DCC: variants seen among roughly 807,000 people sequenced by gnomAD.
The protein encoded by DCC is netrin receptor DCC.
DCC carries 58 observed loss-of-function variants against 172.5 expected under a neutral mutation model. The ratio of observed to expected loss-of-function variants is 0.34; its 90% CI spans 0.27 to 0.42. The LOEUF (loss-of-function observed/expected upper bound fraction) is 0.42. DCC is among the 10% of genes least tolerant of loss of function. DCC has a pLI of 1.00. For synonymous variants in DCC, 709 were observed against 644.5 expected, an observed-to-expected ratio of 1.10 and a Z score of -1.52; for missense variants, 1,740 against 1,791.0, an observed-to-expected ratio of 0.97 and a Z score of 0.51.
intron 2 of DCC, among the ~76,000 whole-genome samples, chr18:52,855,081 C>T (rs575247902): frequency 3.3e-5 from 5 of 152,286 alleles, no homozygotes; most frequent in African/African-American, 7.2e-5. Flanking sequence ...TGGGTGTCTT[C>T]GGCTTCTTGT....
chr18:53,123,482 A>G (rs2043512587), intron 7 of DCC, among the ~76,000 whole-genome samples: 1 of 152,074 alleles, frequency 6.6e-6, no homozygotes, highest in African/African-American at 2.4e-5. Flanking sequence ...AAGTCATTCT[A>G]AGGCCTCAAA....
chr18:53,383,797 C>G (rs1568096587), intron 15 of DCC, among the ~76,000 whole-genome samples: 1 of 151,784 alleles, frequency 6.6e-6, no homozygotes, highest in Non-Finnish European at 1.5e-5. Context: ...TGTATTACAT[C>G]TCTAGGTCTT....
intron 7 of DCC, among the ~76,000 whole-genome samples, chr18:53,121,500 C>A (rs2043483223): frequency 6.6e-6 from 1 of 151,880 alleles, no homozygotes. Flanking sequence ...ATTACGTAAA[C>A]TTCCAATCAT....
intron 15 of DCC, among the ~76,000 whole-genome samples, chr18:53,379,421 A>G (rs958773721): frequency 1.3e-5 from 2 of 152,200 alleles, no homozygotes; most frequent in South Asian, 2.1e-4. Context: ...AAAAATAATG[A>G]TGTTCTCCCC....
chr18:53,141,010 A>G (rs1362367345), intron 7 of DCC, among the ~76,000 whole-genome samples: 3 of 152,162 alleles, frequency 2.0e-5, no homozygotes, highest in African/African-American at 2.4e-5. Context: ...TCATTAAGAT[A>G]AGTGATGAGA....
intron 1 of DCC, among the ~76,000 whole-genome samples, chr18:52,530,930 A>C (rs2032130634): frequency 6.6e-6 from 1 of 152,210 alleles, no homozygotes; most frequent in Non-Finnish European, 1.5e-5. Flanking sequence ...GAAAGCCTTA[A>C]ATGTAAAAGA....
intron 1 of DCC, among the ~76,000 whole-genome samples, chr18:52,610,742 T>G (rs2034262301): frequency 1.3e-5 from 2 of 152,198 alleles, no homozygotes; most frequent in Admixed American, 1.3e-4. Flanking sequence ...TGAATGGGTG[T>G]GGCTATGTTT....
chr18:53,272,852 C>T (rs1185295524), intron 12 of DCC, among the ~76,000 whole-genome samples: 2 of 152,122 alleles, frequency 1.3e-5, no homozygotes, highest in Non-Finnish European at 1.5e-5. Flanking sequence ...AAGCTGTTCT[C>T]TTTAAATAGC....
rs1987640121 is a variant in DCC, at chr18:52,431,980, C to T, written c.91+91102C>T. Among the ~76,000 whole-genome samples, 4 of 152,276 alleles carry T rather than the reference C, an allele frequency of 2.6e-5. No homozygotes were observed. The South Asian group carries it at 6.2e-4, about 24-fold the overall frequency. ...ACCCAAGAGCATTTCAGTAAAGCAT[C>T]GGAAATGTCAGAACTCCCTCTGCTG... On this transcript the variant is annotated intron_variant, in intron 1 of 28. Transcript: ENST00000442544.
chr18:52,624,227 A>G (rs1425922638), intron 1 of DCC, among the ~76,000 whole-genome samples: 1 of 152,222 alleles, frequency 6.6e-6, no homozygotes, highest in African/African-American at 2.4e-5. Flanking sequence ...GCATCCTATA[A>G]TTAAAATTTC....
chr18:52,411,689 A>T (rs1986848383), intron 1 of DCC, among the ~76,000 whole-genome samples: 1 of 152,148 alleles, frequency 6.6e-6, no homozygotes, highest in South Asian at 2.1e-4. Flanking sequence ...CTAGTTTTGA[A>T]TCCAGGTTCT....
At chr18:52,558,514 C>T (rs1465548361) in intron 1 of DCC, among the ~76,000 whole-genome samples, 1 of 152,012 alleles carries the variant, frequency 6.6e-6, no homozygotes, top group Non-Finnish European at 1.5e-5. Flanking sequence ...GAACATATTC[C>T]TCTCCAGATT....
intron 21 of DCC, among the ~76,000 whole-genome samples, chr18:53,433,465 T>C (rs576430615): frequency 2.6e-4 from 40 of 152,304 alleles, no homozygotes; most frequent in African/African-American, 9.4e-4. Flanking sequence ...ACAGGAAACA[T>C]GTATTGCTTT....
At chr18:52,872,012 A>G (rs2039328093) in intron 2 of DCC, among the ~76,000 whole-genome samples, 1 of 152,176 alleles carries the variant, frequency 6.6e-6, no homozygotes, top group Admixed American at 6.5e-5. Flanking sequence ...TCATAGTGCC[A>G]AAACTGTAGG....
chr18:52,935,886 C>T (rs571171049), intron 5 of DCC, among the ~76,000 whole-genome samples: 7 of 152,200 alleles, frequency 4.6e-5, no homozygotes, highest in South Asian at 2.1e-4. Context: ...CCTCTGCCTA[C>T]GTAGCAGTCC....
At chr18:52,439,491 C>G (rs1987907127) in intron 1 of DCC, among the ~76,000 whole-genome samples, 1 of 152,044 alleles carries the variant, frequency 6.6e-6, no homozygotes, top group South Asian at 2.1e-4. Context: ...CTCTGTGCTC[C>G]CAGTTCCCTC....
At chr18:53,507,426 G>A (rs150630086) in intron 27 of DCC, among the ~76,000 whole-genome samples, 15 of 152,272 alleles carry the variant, frequency 9.9e-5, no homozygotes, top group African/African-American at 3.4e-4. Context: ...AACAGTCTTC[G>A]ATTTGAATGT....
At chr18:52,721,244 C>T (rs2036469390) in intron 1 of DCC, among the ~76,000 whole-genome samples, 1 of 152,166 alleles carries the variant, frequency 6.6e-6, no homozygotes, top group Admixed American at 6.5e-5. Context: ...CCAATGGATT[C>T]CTGTGTAGTT....
At chr18:53,043,332 A>C (rs2042195094) in intron 5 of DCC, among the ~76,000 whole-genome samples, 1 of 151,858 alleles carries the variant, frequency 6.6e-6, no homozygotes, top group Non-Finnish European at 1.5e-5. Context: ...GGGCAAGGGG[A>C]GAGATAACAT....
Sources: gnomAD v4.1 joint callset for allele counts (sites outside exome capture counted in the v4.1 genomes callset) on GRCh38, gnomAD v4.1.1 for gene constraint, MANE v1.5 for transcripts, NCBI Gene and HGNC (gene_info 2026-07-23, HGNC 2026-07-21) for gene names.